SDHAF2: variants seen among roughly 807,000 people sequenced by gnomAD.
The protein encoded by SDHAF2 is succinate dehydrogenase complex assembly factor 2, also known as succinate dehydrogenase assembly factor 2, mitochondrial.
Under a neutral mutation model 18.5 loss-of-function variants are expected in SDHAF2, and 21 were observed. The ratio of observed to expected loss-of-function variants is 1.13; its 90% CI spans 0.80 to 1.63. The LOEUF (loss-of-function observed/expected upper bound fraction) is 1.63, where lower values mean the gene tolerates loss of function less well. Ranked by LOEUF, SDHAF2 falls within the 40% of genes most tolerant of loss-of-function variation. The pLI is 0.00. For synonymous variants in SDHAF2, 84 were observed against 70.7 expected (o/e 1.19, Z -0.94); for missense variants, 195 against 200.3 (o/e 0.97, Z 0.16).
intron 1 of SDHAF2, chr11:61,435,718 A>G (rs1186316841): frequency 1.3e-5 from 2 of 152,084 alleles, no homozygotes; most frequent in South Asian, 2.1e-4. Context: ...TGGAGCTGCT[A>G]CAAGTCTCCC....
At chr11:61,438,815 C>G (rs1367618266) in intron 3 of SDHAF2, among the ~76,000 whole-genome samples, 1 of 152,062 alleles carries the variant, frequency 6.6e-6, no homozygotes, top group African/African-American at 2.4e-5. Flanking sequence ...GAGGCTGAGG[C>G]GGATGGATCG....
chr11:61,438,770 C>T (rs1003616022), intron 3 of SDHAF2, among the ~76,000 whole-genome samples: 3 of 152,150 alleles, frequency 2.0e-5, no homozygotes, highest in Non-Finnish European at 4.4e-5. Flanking sequence ...TCTGGCCGGC[C>T]GCAGTGGCTC....
rs1386587581 is a variant in SDHAF2, at chr11:61,445,515, T to G, written c.371-426T>G. ...GCTTTTGTTTCAAGAGATATATACA[T>G]TGCAAGGGAAAACACAATGTCTGGG... On this transcript the variant is annotated intron_variant, in intron 3 of 3. Transcript: ENST00000301761. 3.3e-5 allele frequency among the ~76,000 whole-genome samples: 5 copies of G among 152,190 alleles called. No homozygotes were observed. The East Asian group carries it at 9.6e-4, about 29-fold the overall frequency.
At position 61,446,241 on chromosome 11, in the gene SDHAF2, C is replaced by T; in HGVS notation, c.*170C>T. ...CTCCTAGGACATACATGTAAATGCA[C>T]AATGTGACTCATTCTCATACTTTTT... is the stretch of plus-strand genomic sequence containing the variant. On this transcript the variant is annotated 3_prime_UTR_variant, in exon 4 of 4. Coordinates refer to ENST00000301761, the MANE Select transcript of SDHAF2 (RefSeq NM_017841.4). 2 of 720,562 alleles carry T rather than the reference C, an allele frequency of 2.8e-6. No individual in the cohort carries two copies. Among genetic ancestry groups the T allele is most frequent in the South Asian group, 1.5e-5 (1 of 66,616 alleles). 44.6% of individuals were successfully genotyped at this position (720,562 alleles called of 1,614,324 possible). A position where few individuals can be genotyped will look rare whatever the true frequency, so the allele number is the denominator to read the frequency against.
At chr11:61,434,595 T>TTTTTTTTTTTTTTTTTC (rs1441349588) in intron 1 of SDHAF2, 5 of 143,496 alleles carry the variant, frequency 3.5e-5, no homozygotes, top group African/African-American at 1.5e-4. Flanking sequence ...TCATTCCTTT[T>TTTTTTTTTTTTTTTTTC]TTTTTTTTTT....
intron 1 of SDHAF2, chr11:61,436,939 G>C (rs1490904116): frequency 7.9e-7 from 1 of 1,273,388 alleles, no homozygotes; most frequent in African/African-American, 1.5e-5. Flanking sequence ...TGCTGTCTCT[G>C]TGTGCTCAGG....
chr11:61,432,076 A>T (rs1204397442), intron 1 of SDHAF2: 1 of 152,202 alleles, frequency 6.6e-6, no homozygotes, highest in East Asian at 1.9e-4. Flanking sequence ...CAGCCTGGGC[A>T]ACATGGCAAA....
intron 1 of SDHAF2, 126 bp downstream of exon 1, chr11:61,430,308 G>A: frequency 3.4e-6 from 4 of 1,175,786 alleles, no homozygotes; most frequent in Non-Finnish European, 5.0e-6. Context: ...GGCAGGCCCA[G>A]GGAGAGGCCG....
At position 61,437,882 on chromosome 11, in the gene SDHAF2, G is replaced by T. The variant is rs376941346; in HGVS notation, c.260+34G>T. On this transcript the variant is annotated intron_variant, in intron 2 of 3. Coordinates refer to ENST00000301761, the MANE Select transcript of SDHAF2 (RefSeq NM_017841.4). ...CTAGGAGTCTTTTTTTTTAAATCGG[G>T]CAGCTTCCTGAGCCAGAGTAGGTTC... is the stretch of plus-strand genomic sequence containing the variant. 47 of 1,597,672 alleles carry T rather than the reference G, an allele frequency of 2.9e-5. No homozygotes were observed. In the African/African-American group the frequency reaches 5.5e-4, roughly 19 times the overall value.
At position 61,443,146 on chromosome 11, in the gene SDHAF2, A is replaced by G. The variant is rs141274750; in HGVS notation, c.371-2795A>G. 2.3e-3 allele frequency among the ~76,000 whole-genome samples: 347 copies of G among 152,334 alleles called. 1 individual carries two copies. The highest frequency in any genetic ancestry group is 7.9e-3 in the African/African-American group (328 of 41,576). Reference sequence around the variant, plus strand: ...GGGTTATTTGTATTAGATAATATCTATTGACCTGTCTTCCACTAATTCTTT... The same window carrying G: ...GGGTTATTTGTATTAGATAATATCTGTTGACCTGTCTTCCACTAATTCTTT... On this transcript the variant is annotated intron_variant, in intron 3 of 3. Transcript: ENST00000301761.
At chr11:61,430,364 C>G (rs1861851697) in intron 1 of SDHAF2, 182 bp downstream of exon 1, 2 of 714,494 alleles carry the variant, frequency 2.8e-6, no homozygotes, top group South Asian at 3.4e-5. Context: ...CTTTGGTGAG[C>G]CTACTGTGTG....
At chr11:61,438,594 A>T (rs1862026525) in intron 3 of SDHAF2, among the ~76,000 whole-genome samples, 3 of 152,176 alleles carry the variant, frequency 2.0e-5, no homozygotes, top group South Asian at 4.1e-4. Flanking sequence ...AAAGTTCTTT[A>T]TTTGCGAGAC....
intron 3 of SDHAF2, among the ~76,000 whole-genome samples, chr11:61,442,681 TC>T (rs1862083774): frequency 6.6e-6 from 1 of 152,210 alleles, no homozygotes; most frequent in African/African-American, 2.4e-5. Context: ...CTTTGTTTTC[TC>T]CCTCTTTTCC....
chr11:61,446,532 G>A lies in SDHAF2; in HGVS notation c.*461G>A, dbSNP rs1229092828. On this transcript the variant is annotated 3_prime_UTR_variant, in exon 4 of 4. Coordinates refer to ENST00000301761, the MANE Select transcript of SDHAF2 (RefSeq NM_017841.4). ...AGTGGAACTCCCCACTTCCAACCTG[G>A]TATGGCTCCTTCTGCGAAGGGAAGC... The A allele has an allele frequency of 3.4e-5, 16 of 476,442 alleles. No homozygotes were observed. The East Asian group carries it at 4.6e-4, about 14-fold the overall frequency. The allele number at this position is 476,442 out of a possible 1,614,324, so 29.5% of individuals were successfully genotyped here.
At chr11:61,430,771 A>G (rs1356545741) in intron 1 of SDHAF2, 4 of 152,352 alleles carry the variant, frequency 2.6e-5, no homozygotes, top group African/African-American at 9.6e-5. Flanking sequence ...ACTGGAACTT[A>G]TTATTCTTTT....
chr11:61,444,444 A>C (rs1308456975), intron 3 of SDHAF2: 1 of 152,214 alleles, frequency 6.6e-6, no homozygotes, highest in Non-Finnish European at 1.5e-5. Context: ...ATTTAAAACA[A>C]ATTTTTTTGG....
intron 1 of SDHAF2, chr11:61,434,069 A>G (rs1861964565): frequency 6.6e-6 from 1 of 152,224 alleles, no homozygotes; most frequent in African/African-American, 2.4e-5. Flanking sequence ...GACTTTTGAC[A>G]GTTTGATTAA....
chr11:61,433,084 G>T (rs1338309126), intron 1 of SDHAF2: 1 of 151,058 alleles, frequency 6.6e-6, no homozygotes, highest in Non-Finnish European at 1.5e-5. Context: ...CTGTTGCCAG[G>T]CTGGAGTGCA....
At chr11:61,432,877 G>A (rs1861949397) in intron 1 of SDHAF2, 1 of 152,022 alleles carries the variant, frequency 6.6e-6, no homozygotes, top group Non-Finnish European at 1.5e-5. Context: ...TGTTGTGGAT[G>A]TCACAAATTA....
Sources: allele counts gnomAD v4.1 joint callset (sites outside exome capture counted in the v4.1 genomes callset), GRCh38; gene constraint gnomAD v4.1.1; transcripts MANE v1.5; gene names NCBI Gene and HGNC (gene_info 2026-07-23, HGNC 2026-07-21).